Variants in TBC1D22A observed in about 807,000 individuals in gnomAD.
TBC1D22A encodes putative GTPase activator.
In TBC1D22A, 38 loss-of-function variants were observed where a neutral mutation model predicts 60.2. The observed-to-expected ratio is 0.63, with a 90% CI of 0.49 to 0.83. TBC1D22A has a LOEUF of 0.83. Among genes scored for constraint, TBC1D22A ranks in the 40% least tolerant of loss-of-function variants. TBC1D22A has a pLI of 0.00. For synonymous variants in TBC1D22A, 302 were observed against 281.7 expected, an observed-to-expected ratio of 1.07 and a Z score of -0.72; for missense variants, 628 against 701.0, an observed-to-expected ratio of 0.90 and a Z score of 1.18.
At chr22:46,764,357 TAA>T (rs1335942524) in intron 1 of TBC1D22A, 1 of 152,204 alleles carries the variant, frequency 6.6e-6, no homozygotes, top group African/African-American at 2.4e-5. Context: ...CTGTAGAACA[TAA>T]GAGTCCAGGG....
chr22:46,917,509 C>T (rs1241900976), intron 8 of TBC1D22A, among the ~76,000 whole-genome samples: 1 of 152,124 alleles, frequency 6.6e-6, no homozygotes, highest in Non-Finnish European at 1.5e-5. Context: ...ATTCCTGGCC[C>T]TGTGAGGGGT....
intron 8 of TBC1D22A, among the ~76,000 whole-genome samples, chr22:46,952,111 A>G (rs553562619): frequency 3.7e-4 from 56 of 152,238 alleles, no homozygotes; most frequent in Non-Finnish European, 6.3e-4. Flanking sequence ...GCAAGTTCTT[A>G]CTGAGGTCAG....
At chr22:46,979,608 G>A (rs1416048212) in intron 9 of TBC1D22A, among the ~76,000 whole-genome samples, 1 of 152,176 alleles carries the variant, frequency 6.6e-6, no homozygotes, top group Non-Finnish European at 1.5e-5. Context: ...AGTAAGATGA[G>A]TGACCTTTCC....
chr22:47,168,679 ACCACCCAC>A (rs940882472), intron 12 of TBC1D22A, among the ~76,000 whole-genome samples: 8 of 148,554 alleles, frequency 5.4e-5, no homozygotes, highest in Admixed American at 1.3e-4. Context: ...TCTGCAGTCA[ACCACCCAC>A]CCACCCACCC....
At chr22:46,878,597 AG>A in intron 4 of TBC1D22A, 55 bp from the exon 5 acceptor site, 1 of 1,485,774 alleles carries the variant, frequency 6.7e-7, no homozygotes, top group South Asian at 1.1e-5. Flanking sequence ...AGCACTGGGG[AG>A]GTTTGCTAAC....
intron 4 of TBC1D22A, among the ~76,000 whole-genome samples, chr22:46,875,333 A>G (rs1433620320): frequency 6.6e-6 from 1 of 152,252 alleles, no homozygotes; most frequent in Non-Finnish European, 1.5e-5. Flanking sequence ...AATTGCAAGA[A>G]CAGGCAAGTC....
At chr22:46,870,801 A>T (rs574899745) in intron 4 of TBC1D22A, among the ~76,000 whole-genome samples, 1 of 152,272 alleles carries the variant, frequency 6.6e-6, no homozygotes, top group African/African-American at 2.4e-5. Context: ...GAAGAGGGCA[A>T]ATCTACTTTT....
chr22:47,094,413 CAG>C (rs1569440386), intron 11 of TBC1D22A, among the ~76,000 whole-genome samples: 3 of 152,138 alleles, frequency 2.0e-5, no homozygotes, highest in Admixed American at 6.5e-5. Flanking sequence ...CCTTCATAGA[CAG>C]AGACTGGCCT....
chr22:46,994,704 T>G (rs77736760), intron 9 of TBC1D22A, among the ~76,000 whole-genome samples: 5,373 of 152,344 alleles, frequency 0.035, 151 homozygotes, highest in South Asian at 0.087. Flanking sequence ...TCAGGTTTAC[T>G]TCTCACCCTT....
chr22:46,899,060 G>A (rs1273567808), intron 7 of TBC1D22A, among the ~76,000 whole-genome samples: 1 of 152,206 alleles, frequency 6.6e-6, no homozygotes, highest in Non-Finnish European at 1.5e-5. Context: ...GGCTCCTGCA[G>A]GCTGGCAGAG....
chr22:47,133,411 C>T (rs1036466791), intron 12 of TBC1D22A, among the ~76,000 whole-genome samples: 1 of 152,192 alleles, frequency 6.6e-6, no homozygotes, highest in Non-Finnish European at 1.5e-5. Context: ...CCTGCGGAGG[C>T]AGCCCCAGTA....
At chr22:46,762,932 C>T (rs1295811600) in intron 1 of TBC1D22A, 84 bp downstream of exon 1, 2 of 1,340,970 alleles carry the variant, frequency 1.5e-6, no homozygotes, top group Admixed American at 3.6e-5. Context: ...CGGGTGGAGT[C>T]GGGGGTCTGG....
chr22:46,805,005 G>A (rs2085067273), intron 4 of TBC1D22A, among the ~76,000 whole-genome samples: 1 of 152,296 alleles, frequency 6.6e-6, no homozygotes, highest in South Asian at 2.1e-4. Flanking sequence ...AGTAGGGCGA[G>A]TATGGCAGGA....
At chr22:46,843,499 T>C (rs1602113221) in intron 4 of TBC1D22A, among the ~76,000 whole-genome samples, 1 of 145,370 alleles carries the variant, frequency 6.9e-6, no homozygotes, top group East Asian at 1.9e-4. Flanking sequence ...ATGCCCCCTT[T>C]GTTATCTGGG....
chr22:46,764,096 A>G (rs545034557), intron 1 of TBC1D22A: 85 of 150,444 alleles, frequency 5.6e-4, no homozygotes, highest in African/African-American at 2.0e-3. Context: ...CTCTGTCTCA[A>G]AAAAAAAAAG....
chr22:46,823,328 G>T (rs2085908113), intron 4 of TBC1D22A, among the ~76,000 whole-genome samples: 1 of 152,204 alleles, frequency 6.6e-6, no homozygotes, highest in South Asian at 2.1e-4. Flanking sequence ...GTTTATTATA[G>T]AAAAATTTGG....
At chr22:46,900,755 G>T (rs541008529) in intron 7 of TBC1D22A, among the ~76,000 whole-genome samples, 3 of 152,166 alleles carry the variant, frequency 2.0e-5, no homozygotes, top group Non-Finnish European at 4.4e-5. Context: ...TAGTGTTCCC[G>T]TATGGCCGTA....
At chr22:47,012,311 G>T (rs554784375) in intron 10 of TBC1D22A, among the ~76,000 whole-genome samples, 1 of 152,246 alleles carries the variant, frequency 6.6e-6, no homozygotes, top group East Asian at 1.9e-4. Context: ...GGGTCCTGGG[G>T]CTCACATCCC....
At position 47,173,896 on chromosome 22, in the gene TBC1D22A, T is replaced by C; in HGVS notation, c.*270T>C. 1 of 407,238 alleles carries C rather than the reference T, an allele frequency of 2.5e-6. No homozygotes were observed. The highest frequency in any genetic ancestry group is 4.5e-6 in the Non-Finnish European group (1 of 219,870). The allele number at this position is 407,238 out of a possible 1,614,324, so 25.2% of individuals were successfully genotyped here. A position where few individuals can be genotyped will look rare whatever the true frequency, so the allele number is the denominator to read the frequency against. ...GCAGGTCAGGGGTCCCCTCTCCCTCTCCCTGCAATGTCCTTGCCAAATGAC... is the reference window on the plus strand; with the variant it reads ...GCAGGTCAGGGGTCCCCTCTCCCTCCCCCTGCAATGTCCTTGCCAAATGAC... On this transcript the variant is annotated 3_prime_UTR_variant, in exon 13 of 13. Coordinates refer to ENST00000337137, the MANE Select transcript of TBC1D22A (RefSeq NM_014346.5).
Sources: gnomAD v4.1 joint callset for allele counts (sites outside exome capture counted in the v4.1 genomes callset) on GRCh38, gnomAD v4.1.1 for gene constraint, MANE v1.5 for transcripts, NCBI Gene and HGNC (gene_info 2026-07-23, HGNC 2026-07-21) for gene names.